Variants in UBP1 observed in about 807,000 individuals in gnomAD.
UBP1 encodes upstream-binding protein 1.
In UBP1, 22 loss-of-function variants were observed where a neutral mutation model predicts 76.1. The observed-to-expected ratio is 0.29, with a 90% CI of 0.21 to 0.41. The LOEUF (loss-of-function observed/expected upper bound fraction) is 0.41, where lower values mean the gene tolerates loss of function less well. UBP1 is among the 10% of genes least tolerant of loss of function. The pLI is 1.00. For synonymous variants in UBP1, 224 were observed against 237.1 expected, an observed-to-expected ratio of 0.94 and a Z score of 0.51; for missense variants, 436 against 668.1, an observed-to-expected ratio of 0.65 and a Z score of 3.83.
chr3:33,415,020 T>C (rs1213832977), intron 3 of UBP1, among the ~76,000 whole-genome samples: 2 of 152,230 alleles, frequency 1.3e-5, no homozygotes, highest in African/African-American at 4.8e-5. Flanking sequence ...GCATTAATTT[T>C]GTATATTAAA....
At chr3:33,403,560 G>GTCTATCTATCTATCTA (rs1197016609) in intron 8 of UBP1, 2 of 139,924 alleles carry the variant, frequency 1.4e-5, no homozygotes, top group South Asian at 2.3e-4. Flanking sequence ...CTGTCTGTCT[G>GTCTATCTATCTATCTA]TCTGTCTGTC....
chr3:33,425,996 A>AACATAT (rs2045005339), intron 1 of UBP1, among the ~76,000 whole-genome samples: 1 of 55,136 alleles, frequency 1.8e-5, no homozygotes, highest in African/African-American at 8.6e-5. Flanking sequence ...GGCAGCTCTG[A>AACATAT]ATATATATAT....
intron 2 of UBP1, among the ~76,000 whole-genome samples, chr3:33,417,908 A>G (rs1332114444): frequency 6.6e-6 from 1 of 152,226 alleles, no homozygotes; most frequent in East Asian, 1.9e-4. Flanking sequence ...AAATACAACT[A>G]CATCACTCCA....
At position 33,414,158 on chromosome 3, in the gene UBP1, T is replaced by C. The variant is rs528529694; in HGVS notation, c.343-1331A>G. ...ATATATAAGAAAAATTCTAGCATTA[T>C]ATAGCTTTTAGAATTTGTCTAGCAG... On this transcript the variant is annotated intron_variant, in intron 3 of 15. Transcript: ENST00000283629. 10 of 152,160 alleles carry C rather than the reference T, an allele frequency of 6.6e-5. No individual in the cohort carries two copies. The South Asian group carries it at 8.3e-4, about 13-fold the overall frequency. 9.4% of individuals were successfully genotyped at this position (152,160 alleles called of 1,614,324 possible).
chr3:33,394,281 C>G (rs1000441976), intron 13 of UBP1, among the ~76,000 whole-genome samples: 26 of 151,456 alleles, frequency 1.7e-4, no homozygotes, highest in Admixed American at 1.7e-3. Flanking sequence ...CCTGGGCTCA[C>G]GCAGTCTGCC....
intron 2 of UBP1, among the ~76,000 whole-genome samples, chr3:33,419,083 G>A (rs2044814065): frequency 6.6e-6 from 1 of 152,146 alleles, no homozygotes; most frequent in South Asian, 2.1e-4. Context: ...TGCTGTATTA[G>A]ATGTAAAGTG....
chr3:33,403,544 ATCTGTCTGTCTG>A (rs10547421), intron 8 of UBP1: 6,085 of 147,446 alleles, frequency 0.041, 273 homozygotes, highest in Admixed American at 0.15. Context: ...TATCTAATCT[ATCTGTCTGTCTG>A]TCTGTCTGTC....
intron 1 of UBP1, among the ~76,000 whole-genome samples, chr3:33,435,137 T>A (rs2045184757): frequency 6.6e-6 from 1 of 152,340 alleles, no homozygotes; most frequent in East Asian, 1.9e-4. Context: ...GACACTATAA[T>A]CTTAAATCAA....
chr3:33,413,706 T>C (rs1437983121), intron 3 of UBP1, among the ~76,000 whole-genome samples: 2 of 152,168 alleles, frequency 1.3e-5, no homozygotes, highest in Non-Finnish European at 2.9e-5. Flanking sequence ...ATTTTTTTCT[T>C]TGAGATAAAG....
chr3:33,396,029 G>A (rs900989573), intron 13 of UBP1, 133 bp downstream of exon 13: 13 of 722,126 alleles, frequency 1.8e-5, no homozygotes, highest in Non-Finnish European at 1.7e-5. Flanking sequence ...TCTCATTGCT[G>A]TCAAGGCTCC....
chr3:33,436,011 AATC>A (rs538232375), intron 1 of UBP1, among the ~76,000 whole-genome samples: 38 of 152,324 alleles, frequency 2.5e-4, no homozygotes, highest in Middle Eastern at 3.4e-3. Context: ...ACCAAAAGAA[AATC>A]ATCAATTATT....
At chr3:33,394,631 C>T (rs1241176895) in intron 13 of UBP1, among the ~76,000 whole-genome samples, 1 of 152,094 alleles carries the variant, frequency 6.6e-6, no homozygotes, top group Non-Finnish European at 1.5e-5. Context: ...TAAAGCCAGA[C>T]ATGGATCAGG....
chr3:33,418,860 C>CAAA (rs59774815), intron 2 of UBP1, among the ~76,000 whole-genome samples: 1 of 76,744 alleles, frequency 1.3e-5, no homozygotes, highest in African/African-American at 5.0e-5. Context: ...ACTCTGTCTC[C>CAAA]AAAAAAAAAA....
intron 2 of UBP1, among the ~76,000 whole-genome samples, chr3:33,419,825 T>C (rs963959276): frequency 4.6e-5 from 7 of 152,232 alleles, no homozygotes; most frequent in African/African-American, 1.7e-4. Flanking sequence ...ACAGTCTAGG[T>C]TGTAACTGAA....
chr3:33,416,899 T>TCAAAATG, intron 2 of UBP1, 65 bp from the exon 3 acceptor site: 1 of 1,325,816 alleles, frequency 7.5e-7, no homozygotes, highest in Non-Finnish European at 1.1e-6. Context: ...TTAACATAAT[T>TCAAAATG]CAAAATGCAT....
chr3:33,429,384 T>C (rs1424353163), intron 1 of UBP1, among the ~76,000 whole-genome samples: 1 of 152,086 alleles, frequency 6.6e-6, no homozygotes, highest in Non-Finnish European at 1.5e-5. Flanking sequence ...GGTCTGGCTC[T>C]GTCTCCCAGG....
intron 14 of UBP1, 22 bp downstream of exon 14, chr3:33,393,290 A>G (rs1252224647): frequency 6.3e-7 from 1 of 1,585,232 alleles, no homozygotes. Context: ...TCTGAAAAGG[A>G]AAAACAAATG....
intron 8 of UBP1, 118 bp downstream of exon 8, chr3:33,408,572 A>T: frequency 1.4e-6 from 1 of 706,404 alleles, no homozygotes; most frequent in Non-Finnish European, 2.2e-6. Flanking sequence ...AAAGCAAATT[A>T]AATCAAGACA....
intron 3 of UBP1, among the ~76,000 whole-genome samples, chr3:33,413,813 C>T (rs567108824): frequency 2.6e-4 from 40 of 152,230 alleles, no homozygotes; most frequent in Non-Finnish European, 5.0e-4. Context: ...AAGCAATTAC[C>T]CAGCACCCAC....
Sources: allele counts gnomAD v4.1 joint callset (sites outside exome capture counted in the v4.1 genomes callset), GRCh38; gene constraint gnomAD v4.1.1; transcripts MANE v1.5; gene names NCBI Gene and HGNC (gene_info 2026-07-23, HGNC 2026-07-21).